Variants in SLC24A2 observed in about 807,000 individuals in gnomAD.
SLC24A2 encodes the protein solute carrier family 24 member 2, also known as sodium/potassium/calcium exchanger 2.
A neutral mutation model predicts 62.0 loss-of-function variants in SLC24A2; 36 were observed. That is an observed-to-expected ratio of 0.58 (90% CI 0.44 to 0.77). The LOEUF (loss-of-function observed/expected upper bound fraction) is 0.77, where lower values mean the gene tolerates loss of function less well. Ranked by LOEUF, SLC24A2 falls within the 30% of genes least tolerant of loss-of-function variation. The probability of loss-of-function intolerance (pLI) is 0.00; values close to 1 mark genes in which losing one functional copy is unlikely to be tolerated. For synonymous variants in SLC24A2, 358 were observed against 294.0 expected (o/e 1.22, Z -2.23); for missense variants, 846 against 817.9 (o/e 1.03, Z -0.42).
At chr9:19,812,633 A>T in the SLC24A2 span, among the ~76,000 whole-genome samples, 2 of 152,158 alleles carry the variant, frequency 1.3e-5, no homozygotes, top group African/African-American at 4.8e-5. Flanking sequence ...AACCACCTGT[A>T]GTTCTACATC....
chr9:20,093,190 G>A, the SLC24A2 span, among the ~76,000 whole-genome samples: 1 of 151,692 alleles, frequency 6.6e-6, no homozygotes, highest in East Asian at 1.9e-4. Flanking sequence ...TCCTGTCTCA[G>A]CCTTCCTGAG....
the SLC24A2 span, among the ~76,000 whole-genome samples, chr9:19,880,081 C>G: frequency 1.3e-5 from 2 of 151,964 alleles, no homozygotes; most frequent in African/African-American, 4.8e-5. Context: ...TTATTTTTTC[C>G]ACTGTTTTCC....
At chr9:19,935,155 T>G in the SLC24A2 span, among the ~76,000 whole-genome samples, 2 of 151,954 alleles carry the variant, frequency 1.3e-5, no homozygotes, top group Non-Finnish European at 2.9e-5. Flanking sequence ...TTTGCATCAC[T>G]TGGGTTGCTT....
the SLC24A2 span, among the ~76,000 whole-genome samples, chr9:19,906,894 G>A: frequency 6.6e-6 from 1 of 152,086 alleles, no homozygotes; most frequent in Non-Finnish European, 1.5e-5. Context: ...TTCTACCAGA[G>A]GTACAAGGAG....
chr9:20,110,712 AG>A, the SLC24A2 span, among the ~76,000 whole-genome samples: 1 of 152,172 alleles, frequency 6.6e-6, no homozygotes, highest in Non-Finnish European at 1.5e-5. Flanking sequence ...AATTATTTTA[AG>A]GGAAGGAAAA....
intron 7 of SLC24A2, among the ~76,000 whole-genome samples, chr9:19,561,184 C>T (rs561490194): frequency 6.6e-6 from 1 of 152,224 alleles, no homozygotes; most frequent in African/African-American, 2.4e-5. Flanking sequence ...CCCACCTTGG[C>T]TTCCCAAAGT....
At chr9:20,161,283 A>G in the SLC24A2 span, among the ~76,000 whole-genome samples, 8 of 151,444 alleles carry the variant, frequency 5.3e-5, no homozygotes, top group Non-Finnish European at 1.2e-4. Flanking sequence ...AGGTGCTTTC[A>G]TAGAGGAATT....
chr9:19,634,761 T>G (rs1161288399), intron 2 of SLC24A2, among the ~76,000 whole-genome samples: 1 of 152,204 alleles, frequency 6.6e-6, no homozygotes, highest in African/African-American at 2.4e-5. Context: ...ACCTGGAGCT[T>G]TAATCATTAT....
chr9:20,269,326 C>A, the SLC24A2 span, among the ~76,000 whole-genome samples: 1 of 152,160 alleles, frequency 6.6e-6, no homozygotes, highest in African/African-American at 2.4e-5. Flanking sequence ...ATGTTGGAAA[C>A]TGGGGATATG....
the SLC24A2 span, among the ~76,000 whole-genome samples, chr9:19,890,120 C>A: frequency 6.6e-6 from 1 of 152,150 alleles, no homozygotes; most frequent in Non-Finnish European, 1.5e-5. Context: ...CTATCATAAT[C>A]GCCTTAAAAA....
At chr9:20,114,750 G>C in the SLC24A2 span, among the ~76,000 whole-genome samples, 2 of 152,132 alleles carry the variant, frequency 1.3e-5, no homozygotes, top group African/African-American at 4.8e-5. Context: ...CAGAGAGCTA[G>C]TGCTCAGTCA....
intron 4 of SLC24A2, among the ~76,000 whole-genome samples, chr9:19,601,142 A>C (rs1587016730): frequency 1.3e-5 from 2 of 152,168 alleles, no homozygotes; most frequent in East Asian, 3.9e-4. Flanking sequence ...TGTAGCCAGC[A>C]ACGAGATTGT....
intron 5 of SLC24A2, among the ~76,000 whole-genome samples, chr9:19,577,234 C>T (rs1836045746): frequency 6.6e-6 from 1 of 152,128 alleles, no homozygotes; most frequent in Non-Finnish European, 1.5e-5. Context: ...CTCTTCCCTC[C>T]CTTCCCAGTT....
intron 2 of SLC24A2, among the ~76,000 whole-genome samples, chr9:19,688,211 C>T (rs1258523232): frequency 6.6e-6 from 1 of 151,944 alleles, no homozygotes; most frequent in African/African-American, 2.4e-5. Context: ...CGAAAAGAGC[C>T]CTGGATTTAG....
chr9:19,566,928 G>C (rs1483183159), intron 7 of SLC24A2, among the ~76,000 whole-genome samples: 1 of 151,788 alleles, frequency 6.6e-6, no homozygotes, highest in Non-Finnish European at 1.5e-5. Context: ...CTTGGACACA[G>C]GACGGGGAAC....
intron 2 of SLC24A2, among the ~76,000 whole-genome samples, chr9:19,778,461 GA>G (rs11444468): frequency 3.3e-5 from 5 of 150,338 alleles, no homozygotes; most frequent in African/African-American, 9.8e-5. Context: ...AAGCAAATAA[GA>G]AAAAAAAAAT....
the SLC24A2 span, among the ~76,000 whole-genome samples, chr9:20,107,590 G>A: frequency 6.6e-6 from 1 of 152,090 alleles, no homozygotes; most frequent in East Asian, 1.9e-4. Flanking sequence ...AACAAGCAAT[G>A]GGGAAAGGAT....
the SLC24A2 span, among the ~76,000 whole-genome samples, chr9:20,132,936 C>T: frequency 6.6e-6 from 1 of 152,018 alleles, no homozygotes; most frequent in East Asian, 1.9e-4. Flanking sequence ...ATTAAAATAT[C>T]AGAAACATTT....
the SLC24A2 span, among the ~76,000 whole-genome samples, chr9:19,907,881 A>G: frequency 6.6e-6 from 1 of 152,232 alleles, no homozygotes; most frequent in Non-Finnish European, 1.5e-5. Flanking sequence ...GGTAGGAAGA[A>G]TCAATATCGT....
Sources: allele counts gnomAD v4.1 joint callset (sites outside exome capture counted in the v4.1 genomes callset), GRCh38; gene constraint gnomAD v4.1.1; transcripts MANE v1.5; gene names NCBI Gene and HGNC (gene_info 2026-07-23, HGNC 2026-07-21).